Variants in RGS9 observed in about 807,000 individuals in gnomAD.
The protein encoded by RGS9 is regulator of G-protein signalling 9.
A neutral mutation model predicts 102.0 loss-of-function variants in RGS9; 78 were observed. The observed-to-expected ratio is 0.76, with a 90% confidence interval of 0.64 to 0.92. The LOEUF (loss-of-function observed/expected upper bound fraction) is 0.92. Among genes scored for constraint, RGS9 ranks in the 40% least tolerant of loss-of-function variants. The pLI is 0.00. For synonymous variants in RGS9, 353 were observed against 318.6 expected (o/e 1.11, Z -1.15); for missense variants, 833 against 866.1 (o/e 0.96, Z 0.48).
chr17:65,143,400 G>A (rs79891984), intron 1 of RGS9, among the ~76,000 whole-genome samples: 2,071 of 152,294 alleles, frequency 0.014, 49 homozygotes, highest in African/African-American at 0.047. Context: ...CACGGAGGCA[G>A]GATTGAGTGG....
At chr17:65,180,273 A>G (rs902406716) in intron 9 of RGS9, among the ~76,000 whole-genome samples, 7 of 152,308 alleles carry the variant, frequency 4.6e-5, no homozygotes, top group Non-Finnish European at 1.0e-4. Context: ...GTCTCACTTC[A>G]GAGAACTCAT....
intron 17 of RGS9, among the ~76,000 whole-genome samples, chr17:65,213,390 G>C (rs989922385): frequency 2.0e-5 from 3 of 152,176 alleles, no homozygotes; most frequent in South Asian, 2.1e-4. Flanking sequence ...GGGCTCTCCT[G>C]CTGTGTGGCC....
At position 65,177,654 on chromosome 17, in the gene RGS9, G is replaced by T. The variant is rs139733015; in HGVS notation, c.583-78G>T. On this transcript the variant is annotated intron_variant, in intron 8 of 18. Coordinates refer to ENST00000262406, the MANE Select transcript of RGS9 (RefSeq NM_003835.4). Reference sequence around the variant, plus strand: ...TCTCAGCTCAATCTCACAATTGGCAGATTAACCAAGACCCACAGTTAACCA... The same window carrying T: ...TCTCAGCTCAATCTCACAATTGGCATATTAACCAAGACCCACAGTTAACCA... 3.0e-5 allele frequency: 42 copies of T among 1,393,704 alleles called. No individual in the cohort carries two copies. In the East Asian group the frequency reaches 9.3e-4, roughly 31 times the overall value. 86.3% of individuals were successfully genotyped at this position (1,393,704 alleles called of 1,614,324 possible).
At chr17:65,206,091 T>A (rs1913054611) in intron 15 of RGS9, among the ~76,000 whole-genome samples, 2 of 152,200 alleles carry the variant, frequency 1.3e-5, no homozygotes, top group African/African-American at 4.8e-5. Flanking sequence ...ATAGGTTATG[T>A]ATATAGGTTT....
chr17:65,213,399 C>A (rs573479046), intron 17 of RGS9, among the ~76,000 whole-genome samples: 2 of 152,196 alleles, frequency 1.3e-5, no homozygotes, highest in South Asian at 4.2e-4. Flanking sequence ...TGCTGTGTGG[C>A]CTACTTTTAT....
At chr17:65,171,375 A>C (rs937430191) in intron 8 of RGS9, among the ~76,000 whole-genome samples, 1 of 152,204 alleles carries the variant, frequency 6.6e-6, no homozygotes, top group Admixed American at 6.5e-5. Context: ...ATTCAGATGG[A>C]GAAATTGAGG....
intron 7 of RGS9, among the ~76,000 whole-genome samples, chr17:65,165,002 C>T (rs968817863): frequency 6.6e-6 from 1 of 152,162 alleles, no homozygotes; most frequent in Non-Finnish European, 1.5e-5. Flanking sequence ...GCTGATATTA[C>T]TTAATTCCAT....
intron 17 of RGS9, among the ~76,000 whole-genome samples, chr17:65,216,677 T>TA (rs1457200287): frequency 1.3e-5 from 2 of 152,176 alleles, no homozygotes; most frequent in Non-Finnish European, 2.9e-5. Flanking sequence ...ATCCTCCCCC[T>TA]ACTCCTAAGT....
intron 9 of RGS9, among the ~76,000 whole-genome samples, chr17:65,184,692 C>T (rs78834830): frequency 0.011 from 1,655 of 149,384 alleles, 25 homozygotes; most frequent in African/African-American, 0.039. Flanking sequence ...TCTCTCTTTC[C>T]TTCCCTCCTT....
intron 1 of RGS9, among the ~76,000 whole-genome samples, chr17:65,153,004 T>G (rs1284395470): frequency 6.6e-6 from 1 of 152,252 alleles, no homozygotes; most frequent in African/African-American, 2.4e-5. Context: ...GGGGTGGCTT[T>G]GAGGTCCATG....
chr17:65,217,280 C>T (rs777392879), intron 17 of RGS9, among the ~76,000 whole-genome samples: 3 of 152,226 alleles, frequency 2.0e-5, no homozygotes, highest in Non-Finnish European at 4.4e-5. Flanking sequence ...GCTCCACCTC[C>T]ATCTCATCCC....
At chr17:65,195,931 C>T (rs1223247957) in intron 12 of RGS9, among the ~76,000 whole-genome samples, 5 of 152,222 alleles carry the variant, frequency 3.3e-5, no homozygotes, top group Admixed American at 3.3e-4. Flanking sequence ...TATTCTTGGG[C>T]CCCACCCACT....
At chr17:65,226,862 G>A (rs960955230) in intron 18 of RGS9, among the ~76,000 whole-genome samples, 1 of 152,116 alleles carries the variant, frequency 6.6e-6, no homozygotes, top group Non-Finnish European at 1.5e-5. Context: ...CGATCCGCCT[G>A]TCTCAGCCTC....
chr17:65,172,635 G>A (rs1421427824), intron 8 of RGS9, among the ~76,000 whole-genome samples: 1 of 152,168 alleles, frequency 6.6e-6, no homozygotes, highest in Non-Finnish European at 1.5e-5. Context: ...GGGATATTTG[G>A]ATTATGAGCC....
chr17:65,181,221 A>G (rs1911873642), intron 9 of RGS9, among the ~76,000 whole-genome samples: 1 of 152,220 alleles, frequency 6.6e-6, no homozygotes, highest in Non-Finnish European at 1.5e-5. Flanking sequence ...AGAAATCACC[A>G]CACTGCTTTC....
intron 3 of RGS9, chr17:65,158,908 C>A: frequency 4.2e-6 from 1 of 237,716 alleles, no homozygotes; most frequent in South Asian, 7.0e-5. Flanking sequence ...TGTCAGGCCT[C>A]TGAGCCCAAG....
chr17:65,210,372 G>C (rs1394021795), intron 16 of RGS9, 116 bp from the exon 17 acceptor site: 3 of 1,306,170 alleles, frequency 2.3e-6, no homozygotes, highest in Non-Finnish European at 3.3e-6. Flanking sequence ...GGAAAAAGGA[G>C]GGAACAAAAT....
At chr17:65,217,302 C>G (rs915528025) in intron 17 of RGS9, among the ~76,000 whole-genome samples, 2 of 152,230 alleles carry the variant, frequency 1.3e-5, no homozygotes, top group African/African-American at 4.8e-5. Context: ...TGCTGTGGAC[C>G]TGGGAGTCCC....
Position 65,225,014 on chromosome 17 carries a change from A to G in RGS9, c.1420A>G (p.Met474Val), listed in dbSNP as rs1905569118. The G allele has an allele frequency of 6.2e-7, 1 of 1,613,306 alleles. No homozygotes were observed. The highest frequency in any genetic ancestry group is 8.5e-7 in the Non-Finnish European group (1 of 1,179,840). The change falls in exon 18 of 19, where the codon ATG becomes GTG. Residue 474 changes from methionine (M) to valine (V), a missense_variant. By Grantham distance (21) the Met-to-Val change is conservative. Transcript: ENST00000262406. ...TCCTTCTCTACAGCCGGGCCAGCAC[A>G]TGGCTCCCAGCCCCCATCTGACCGT... ...TVDITQPGQH[M>V]APSPHLTVYT... is the part of the protein sequence containing the mutation.
Sources: allele counts gnomAD v4.1 joint callset (sites outside exome capture counted in the v4.1 genomes callset), GRCh38; gene constraint gnomAD v4.1.1; transcripts MANE v1.5; gene names NCBI Gene and HGNC (gene_info 2026-07-23, HGNC 2026-07-21).